The following C12orf56 variants were observed in gnomAD, a reference collection of about 807,000 sequenced individuals.
C12orf56 encodes chromosome 12 open reading frame 56.
Under a neutral mutation model 69.9 loss-of-function variants are expected in C12orf56, and 71 were observed. The observed-to-expected ratio is 1.02, with a 90% CI of 0.84 to 1.24. C12orf56 has a LOEUF of 1.24. C12orf56 is among the 50% of genes most tolerant of loss of function. C12orf56 has a pLI of 0.00. For synonymous variants in C12orf56, 276 were observed against 274.1 expected, an observed-to-expected ratio of 1.01 and a Z score of -0.07; for missense variants, 732 against 738.5, an observed-to-expected ratio of 0.99 and a Z score of 0.10.
chr12:64,275,695 T>C (rs1172695273), intron 9 of C12orf56, among the ~76,000 whole-genome samples: 1 of 152,182 alleles, frequency 6.6e-6, no homozygotes, highest in African/African-American at 2.4e-5. Flanking sequence ...CTCAAATTCC[T>C]GAGCCCAACC....
intron 5 of C12orf56, among the ~76,000 whole-genome samples, chr12:64,306,669 G>A (rs920647916): frequency 3.3e-5 from 5 of 152,110 alleles, no homozygotes; most frequent in Non-Finnish European, 5.9e-5. Flanking sequence ...ACTCCCAGCC[G>A]CAGGAAAGAT....
intron 5 of C12orf56, among the ~76,000 whole-genome samples, chr12:64,308,894 A>AAG: frequency 1.9e-5 from 1 of 51,546 alleles, no homozygotes; most frequent in South Asian, 8.3e-4. Context: ...GAAAGGAAGA[A>AAG]AGAAAGAAAG....
chr12:64,301,521 GC>G (rs2038445832), intron 6 of C12orf56, among the ~76,000 whole-genome samples: 1 of 152,024 alleles, frequency 6.6e-6, no homozygotes, highest in Non-Finnish European at 1.5e-5. Flanking sequence ...ATTTACTGAG[GC>G]CCCAGAAGAA....
rs183565676 is a variant in C12orf56, at chr12:64,365,313, C to T, written c.253-12257G>A. Among the ~76,000 whole-genome samples, 1,103 of 151,538 alleles carry T rather than the reference C, an allele frequency of 7.3e-3. 14 individuals carry two copies. The highest frequency in any genetic ancestry group is 0.025 in the African/African-American group (1,019 of 41,336). On this transcript the variant is annotated intron_variant, in intron 1 of 12. Transcript: ENST00000543942. ...CCGAGTAACTGGGACTACAGGTGCC[C>T]GCCACCAAGCTCGGCTAATTTTTTT...
chr12:64,313,637 AT>A (rs2038652034), intron 4 of C12orf56, among the ~76,000 whole-genome samples: 1 of 151,364 alleles, frequency 6.6e-6, no homozygotes, highest in African/African-American at 2.4e-5. Flanking sequence ...AATTTATAGT[AT>A]TTATATATTT....
chr12:64,296,483 T>C (rs983743348), intron 6 of C12orf56, among the ~76,000 whole-genome samples: 1 of 152,190 alleles, frequency 6.6e-6, no homozygotes, highest in African/African-American at 2.4e-5. Flanking sequence ...CCTGTCTTGA[T>C]TTACAGGCTG....
At chr12:64,320,086 G>T (rs753617781) in intron 3 of C12orf56, among the ~76,000 whole-genome samples, 5 of 152,234 alleles carry the variant, frequency 3.3e-5, no homozygotes, top group Non-Finnish European at 7.3e-5. Context: ...CGGGCTAAAG[G>T]CTTGCCATTG....
At chr12:64,346,798 A>G (rs11175348) in intron 2 of C12orf56, among the ~76,000 whole-genome samples, 23,546 of 152,142 alleles carry the variant, frequency 0.15, 1,981 homozygotes, top group East Asian at 0.28. Context: ...TATGAATAAC[A>G]AACAATGTTC....
At chr12:64,383,153 C>G (rs1272618497) in intron 1 of C12orf56, among the ~76,000 whole-genome samples, 10 of 151,726 alleles carry the variant, frequency 6.6e-5, no homozygotes, top group Admixed American at 6.6e-4. Context: ...TCTGTCTCTA[C>G]AAAAATTACA....
chr12:64,338,066 C>T, intron 2 of C12orf56: 2 of 398,770 alleles, frequency 5.0e-6, no homozygotes, highest in Admixed American at 2.9e-5. Context: ...CAGAGCAATA[C>T]TGGGGCAGTA....
rs869290282 is a variant in C12orf56 at position 64,387,077 on chromosome 12, C to CAAAAAAAAAAAAAAAAAAAAAAAAAA, written c.252+3211_252+3236dup. Among the ~76,000 whole-genome samples, 11 of 42,086 alleles carry CAAAAAAAAAAAAAAAAAAAAAAAAAA rather than the reference C, an allele frequency of 2.6e-4. 3 individuals carry two copies. The highest frequency in any genetic ancestry group is 1.1e-3 in the East Asian group (1 of 900). The allele number at this position is 42,086 out of a possible 152,430, so 27.6% of individuals were successfully genotyped here. On this transcript the variant is annotated intron_variant, in intron 1 of 12. Coordinates refer to ENST00000543942, the MANE Select transcript of C12orf56 (RefSeq NM_001170633.2). The stretch of plus-strand genomic sequence containing the variant: ...TGGGTAACAGAGCGAGACTCTATCT[C>CAAAAAAAAAAAAAAAAAAAAAAAAAA]AAAAAAAAAAAAAAAAAAAAAAAAA...
chr12:64,352,620 G>A (rs945904426), intron 2 of C12orf56, among the ~76,000 whole-genome samples: 5 of 152,082 alleles, frequency 3.3e-5, no homozygotes, highest in East Asian at 1.9e-4. Flanking sequence ...GATGAGCCTC[G>A]CCTCTTCAGC....
intron 1 of C12orf56, among the ~76,000 whole-genome samples, chr12:64,377,084 C>T (rs553352267): frequency 8.6e-5 from 13 of 151,828 alleles, no homozygotes; most frequent in Admixed American, 2.0e-4. Context: ...ATCTCACTTT[C>T]GTTTGGATTT....
intron 1 of C12orf56, among the ~76,000 whole-genome samples, chr12:64,371,692 TG>T (rs2135974164): frequency 6.6e-6 from 1 of 151,978 alleles, no homozygotes; most frequent in South Asian, 2.1e-4. Context: ...TAGCTGGGCA[TG>T]GTGGTGCACA....
chr12:64,354,988 G>T (rs2039288976), intron 1 of C12orf56, among the ~76,000 whole-genome samples: 1 of 147,172 alleles, frequency 6.8e-6, no homozygotes, highest in Non-Finnish European at 1.5e-5. Flanking sequence ...TGAGGCAGGA[G>T]AATCGCTTGA....
rs1279902237 is a variant in C12orf56, at chr12:64,265,345, A to G, written c.*1838T>C. 6.6e-6 allele frequency: 1 copy of G among 152,200 alleles called. No homozygotes were observed. Among genetic ancestry groups the G allele is most frequent in the Non-Finnish European group, 1.5e-5 (1 of 68,050 alleles). The allele number at this position is 152,200 out of a possible 1,614,324, so 9.4% of individuals were successfully genotyped here. On this transcript the variant is annotated 3_prime_UTR_variant, in exon 13 of 13. Coordinates refer to ENST00000543942, the MANE Select transcript of C12orf56 (RefSeq NM_001170633.2). ...ATGAAGGAAAAGACTTGGACACTTT[A>G]TGGGGTGATGGCTGGTGACAGCTGA...
chr12:64,271,778 G>A (rs2037993608), intron 11 of C12orf56, among the ~76,000 whole-genome samples: 1 of 152,144 alleles, frequency 6.6e-6, no homozygotes, highest in Admixed American at 6.5e-5. Flanking sequence ...ACAGAACAAT[G>A]TTAATTAGCC....
chr12:64,307,368 CT>C (rs748644044), intron 5 of C12orf56, among the ~76,000 whole-genome samples: 69 of 115,244 alleles, frequency 6.0e-4, no homozygotes, highest in Middle Eastern at 4.7e-3. Flanking sequence ...ATAGTCAGTC[CT>C]TTTTTTTTTT....
chr12:64,386,963 C>T (rs1343618063), intron 1 of C12orf56, among the ~76,000 whole-genome samples: 2 of 150,998 alleles, frequency 1.3e-5, no homozygotes, highest in African/African-American at 4.9e-5. Flanking sequence ...CCTGTAGTCC[C>T]AGCTACTTAG....
Sources: allele counts gnomAD v4.1 joint callset (sites outside exome capture counted in the v4.1 genomes callset), GRCh38; gene constraint gnomAD v4.1.1; transcripts MANE v1.5; gene names NCBI Gene and HGNC (gene_info 2026-07-23, HGNC 2026-07-21).